RIMS1: variants seen among roughly 807,000 people sequenced by gnomAD.
The protein encoded by RIMS1 is regulating synaptic membrane exocytosis protein 1.
Under a neutral mutation model 214.1 loss-of-function variants are expected in RIMS1, and 83 were observed. That is an observed-to-expected ratio of 0.39 (90% CI 0.32 to 0.47). The LOEUF (loss-of-function observed/expected upper bound fraction) is 0.47, where lower values mean the gene tolerates loss of function less well. Ranked by LOEUF, RIMS1 falls within the 20% of genes least tolerant of loss-of-function variation. The probability of loss-of-function intolerance (pLI) is 0.99; values close to 1 mark genes in which losing one functional copy is unlikely to be tolerated. For missense variants in RIMS1, 2,050 were observed against 2,161.8 expected (o/e 0.95, Z 1.03); for synonymous variants, 793 against 786.8 (o/e 1.01, Z -0.13).
intron 1 of RIMS1, among the ~76,000 whole-genome samples, chr6:71,936,073 G>A (rs529411041): frequency 1.3e-5 from 2 of 151,828 alleles, no homozygotes; most frequent in East Asian, 1.9e-4. Flanking sequence ...GGTGTGGGCC[G>A]GGCGCGGTGG....
At chr6:71,904,741 A>G (rs1380769647) in intron 1 of RIMS1, among the ~76,000 whole-genome samples, 6 of 152,192 alleles carry the variant, frequency 3.9e-5, no homozygotes. Flanking sequence ...TATTGACAAA[A>G]TGGAATATAT....
rs987470132 is a variant in RIMS1, at chr6:72,331,010, A to G, written c.4131-2590A>G. Among the ~76,000 whole-genome samples, 9 of 151,818 alleles carry G rather than the reference A, an allele frequency of 5.9e-5. No individual in the cohort carries two copies. The South Asian group carries it at 1.9e-3, about 31-fold the overall frequency. The stretch of plus-strand genomic sequence containing the variant: ...TTTTCATATAACTTAACCCCCTCCC[A>G]ATGATAACACTTGTTATACATATTT... On this transcript the variant is annotated intron_variant, in intron 28 of 33. Transcript: ENST00000521978.
intron 2 of RIMS1, among the ~76,000 whole-genome samples, chr6:72,094,319 A>G (rs1313572094): frequency 1.3e-5 from 2 of 152,164 alleles, no homozygotes; most frequent in Non-Finnish European, 1.5e-5. Flanking sequence ...TAAATGGTCT[A>G]TGAGTGACCC....
rs1204765375 is a variant in RIMS1 at position 72,233,915 on chromosome 6, A to G, written c.1746+75A>G. 7.7e-6 allele frequency: 7 copies of G among 914,756 alleles called. No homozygotes were observed. In the Admixed American group the frequency reaches 1.0e-4, roughly 13 times the overall value. 56.7% of individuals were successfully genotyped at this position (914,756 alleles called of 1,614,324 possible). A position where few individuals can be genotyped will look rare whatever the true frequency, so the allele number is the denominator to read the frequency against. On this transcript the variant is annotated intron_variant, in intron 7 of 33. Transcript: ENST00000521978. ...TTAATTGTCCTTTGTCTGATATGTG[A>G]TATCTGCTCTATTATTCATTTGGTA...
chr6:72,261,761 A>C (rs2078123306), intron 19 of RIMS1: 1 of 985,234 alleles, frequency 1.0e-6, no homozygotes, highest in Non-Finnish European at 1.2e-6. Flanking sequence ...AATTGGGCTA[A>C]TAAAAATTGT....
At chr6:72,324,809 A>G (rs2096374085) in intron 28 of RIMS1, among the ~76,000 whole-genome samples, 1 of 151,766 alleles carries the variant, frequency 6.6e-6, no homozygotes, top group African/African-American at 2.4e-5. Flanking sequence ...TATATCGTCT[A>G]TGGCTGTTTT....
intron 2 of RIMS1, among the ~76,000 whole-genome samples, chr6:72,008,786 T>C (rs1808953415): frequency 6.6e-6 from 1 of 152,184 alleles, no homozygotes; most frequent in Admixed American, 6.5e-5. Context: ...ATCCTAAATA[T>C]ATATGCATGC....
At chr6:72,196,380 TATC>T (rs2050908747) in intron 6 of RIMS1, among the ~76,000 whole-genome samples, 1,325 of 26,106 alleles carry the variant, frequency 0.051, 23 homozygotes, top group African/African-American at 0.13. Flanking sequence ...TCTGTCTGTC[TATC>T]TATCTATCTA....
chr6:72,197,607 C>T (rs1307670610), intron 6 of RIMS1, among the ~76,000 whole-genome samples: 1 of 152,014 alleles, frequency 6.6e-6, no homozygotes, highest in Non-Finnish European at 1.5e-5. Flanking sequence ...TGAAGTGCTT[C>T]GACAAAGGTG....
Position 71,966,457 on chromosome 6 carries a change from C to T in RIMS1, c.165-2526C>T, listed in dbSNP as rs1260929858. The stretch of plus-strand genomic sequence containing the variant: ...ATTAACTTGAAATTTTAAACCAAAA[C>T]CACTGGGACTTGAGATTAGACAAGA... On this transcript the variant is annotated intron_variant, in intron 1 of 33. Transcript: ENST00000521978. Among the ~76,000 whole-genome samples the T allele has an allele frequency of 3.9e-5, 6 of 152,248 alleles. No individual in the cohort carries two copies. The East Asian group carries it at 9.6e-4, about 24-fold the overall frequency.
At chr6:72,197,475 C>T (rs770049836) in intron 6 of RIMS1, among the ~76,000 whole-genome samples, 2 of 152,044 alleles carry the variant, frequency 1.3e-5, no homozygotes, top group Admixed American at 1.3e-4. Flanking sequence ...AATGTCTAAC[C>T]CACAGGGAAA....
intron 2 of RIMS1, among the ~76,000 whole-genome samples, chr6:72,051,275 A>G (rs2152140913): frequency 6.6e-6 from 1 of 152,226 alleles, no homozygotes; most frequent in Non-Finnish European, 1.5e-5. Context: ...TTCTTTTATC[A>G]AGGCACCATC....
At chr6:72,012,586 A>G (rs1811168086) in intron 2 of RIMS1, among the ~76,000 whole-genome samples, 1 of 152,174 alleles carries the variant, frequency 6.6e-6, no homozygotes. Flanking sequence ...CAACCTGGGT[A>G]TATGTTTTGA....
At chr6:72,176,445 T>C (rs746878474) in intron 4 of RIMS1, among the ~76,000 whole-genome samples, 1 of 152,202 alleles carries the variant, frequency 6.6e-6, no homozygotes, top group African/African-American at 2.4e-5. Context: ...CAATATTCTA[T>C]TGTAATCTTA....
chr6:72,017,431 A>G (rs750898695), intron 2 of RIMS1, among the ~76,000 whole-genome samples: 3 of 152,204 alleles, frequency 2.0e-5, no homozygotes, highest in Non-Finnish European at 2.9e-5. Flanking sequence ...CATTTTACCA[A>G]TTGGATGTGA....
intron 31 of RIMS1, among the ~76,000 whole-genome samples, chr6:72,393,836 A>G (rs2098740265): frequency 6.6e-6 from 1 of 152,176 alleles, no homozygotes; most frequent in Non-Finnish European, 1.5e-5. Context: ...AATTCGGAGG[A>G]ACAAGAGATT....
chr6:72,264,952 G>T, intron 19 of RIMS1, 23 bp from the exon 20 acceptor site: 2 of 1,503,016 alleles, frequency 1.3e-6, no homozygotes, highest in Non-Finnish European at 1.8e-6. Flanking sequence ...TGTTTCCTGC[G>T]TGTTTGTGTT....
At chr6:72,370,364 A>C (rs1009213551) in intron 29 of RIMS1, among the ~76,000 whole-genome samples, 2 of 152,200 alleles carry the variant, frequency 1.3e-5, no homozygotes, top group African/African-American at 4.8e-5. Context: ...CTTAGTGAAA[A>C]GACCATTCGG....
intron 2 of RIMS1, among the ~76,000 whole-genome samples, chr6:72,021,176 C>T (rs1310020881): frequency 2.6e-5 from 4 of 152,106 alleles, no homozygotes; most frequent in Admixed American, 6.6e-5. Context: ...CTTACTTCTC[C>T]CTCTAAGAAG....
Sources: gnomAD v4.1 joint callset for allele counts (sites outside exome capture counted in the v4.1 genomes callset) on GRCh38, gnomAD v4.1.1 for gene constraint, MANE v1.5 for transcripts, NCBI Gene and HGNC (gene_info 2026-07-23, HGNC 2026-07-21) for gene names.